Variants in ZFHX3 observed in about 807,000 individuals in gnomAD.
The protein encoded by ZFHX3 is zinc finger homeobox 3.
A neutral mutation model predicts 279.1 loss-of-function variants in ZFHX3; 42 were observed. That is an observed-to-expected ratio of 0.15 (90% confidence interval 0.12 to 0.19). The LOEUF (loss-of-function observed/expected upper bound fraction) is 0.19, where lower values mean the gene tolerates loss of function less well. Ranked by LOEUF, ZFHX3 falls within the 10% of genes least tolerant of loss-of-function variation. The pLI is 1.00. For missense variants in ZFHX3, 4,981 were observed against 4,754.0 expected, an observed-to-expected ratio of 1.05 and a Z score of -1.40; for synonymous variants, 2,293 against 1,957.8, an observed-to-expected ratio of 1.17 and a Z score of -4.52.
At chr16:73,878,430 AC>A (rs992677377) in intron 1 of ZFHX3, among the ~76,000 whole-genome samples, 4 of 152,114 alleles carry the variant, frequency 2.6e-5, no homozygotes, top group African/African-American at 7.2e-5. Context: ...ACAGAGTAAA[AC>A]TTTTTTAAGC....
chr16:73,094,779 G>T (rs1966137002), intron 7 of ZFHX3, among the ~76,000 whole-genome samples: 1 of 152,082 alleles, frequency 6.6e-6, no homozygotes, highest in Non-Finnish European at 1.5e-5. Context: ...GTACGAACTT[G>T]ACTCACTGCA....
At chr16:73,481,693 A>C (rs1485834446) in intron 2 of ZFHX3, among the ~76,000 whole-genome samples, 1 of 151,880 alleles carries the variant, frequency 6.6e-6, no homozygotes, top group Non-Finnish European at 1.5e-5. Flanking sequence ...GGGTCTCACT[A>C]TGTTGCCCGA....
intron 5 of ZFHX3, among the ~76,000 whole-genome samples, chr16:73,234,728 G>A (rs938594917): frequency 2.6e-5 from 4 of 152,190 alleles, no homozygotes; most frequent in African/African-American, 4.8e-5. Flanking sequence ...AACTGTAAAA[G>A]AGAAGTGTTG....
intron 2 of ZFHX3, among the ~76,000 whole-genome samples, chr16:73,557,689 C>G (rs1001246088): frequency 2.6e-5 from 4 of 152,066 alleles, no homozygotes; most frequent in Non-Finnish European, 5.9e-5. Flanking sequence ...GGGTTTTGGC[C>G]GGCTTCTTTA....
chr16:72,784,517 G>A lies in ZFHX3; in HGVS notation c.*2647C>T. 6.6e-6 allele frequency: 1 copy of A among 151,906 alleles called. No individual in the cohort carries two copies. The allele number at this position is 151,906 out of a possible 1,614,324, so 9.4% of individuals were successfully genotyped here. On this transcript the variant is annotated 3_prime_UTR_variant, in exon 10 of 10. Transcript: ENST00000268489. ...TTTTTCTATATGGTACAGACACAGA[G>A]TAACATACAACAGTTAAATGGCAAA...
chr16:72,944,667 A>G (rs1019099217), intron 3 of ZFHX3, among the ~76,000 whole-genome samples: 1 of 152,226 alleles, frequency 6.6e-6, no homozygotes, highest in Non-Finnish European at 1.5e-5. Context: ...ATTTTTTTAC[A>G]GTGAACATGC....
chr16:73,365,868 C>A (rs751642757), intron 3 of ZFHX3, among the ~76,000 whole-genome samples: 4 of 152,152 alleles, frequency 2.6e-5, no homozygotes, highest in Non-Finnish European at 5.9e-5. Flanking sequence ...GGCAACGGAA[C>A]CAGCACATAC....
chr16:73,006,648 C>T (rs971124754), intron 1 of ZFHX3, among the ~76,000 whole-genome samples: 14 of 147,302 alleles, frequency 9.5e-5, no homozygotes, highest in African/African-American at 2.3e-4. Context: ...AAGAAAGAAA[C>T]GAAAGAAAAG....
chr16:73,523,300 C>T (rs1252976702), intron 2 of ZFHX3, among the ~76,000 whole-genome samples: 5 of 152,242 alleles, frequency 3.3e-5, no homozygotes, highest in African/African-American at 1.2e-4. Flanking sequence ...AATGAGATCT[C>T]TTCCCACTCC....
chr16:73,096,471 C>T (rs1243346935), intron 7 of ZFHX3, among the ~76,000 whole-genome samples: 2 of 151,632 alleles, frequency 1.3e-5, no homozygotes, highest in African/African-American at 4.8e-5. Flanking sequence ...GATGCGATCT[C>T]AGCTCATTGT....
intron 2 of ZFHX3, among the ~76,000 whole-genome samples, chr16:73,612,831 G>A (rs889155866): frequency 2.6e-5 from 4 of 152,070 alleles, no homozygotes; most frequent in South Asian, 2.1e-4. Flanking sequence ...CACTGTAAAC[G>A]TGGCAAAATC....
Position 73,284,242 on chromosome 16 carries a change from G to A in ZFHX3, c.-1193-27106C>T, listed in dbSNP as rs183482766. Among the ~76,000 whole-genome samples, 130 of 145,934 alleles carry A rather than the reference G, an allele frequency of 8.9e-4. No homozygotes were observed. The East Asian group carries it at 0.021, about 23-fold the overall frequency. On this transcript the variant is annotated intron_variant, in intron 4 of 17. Transcript: ENST00000641206. ...TAAGGCGGGAGAACTGCTTGAACTC[G>A]GAGGGCAGAGGTTGCAGTGAGATGA...
intron 8 of ZFHX3, among the ~76,000 whole-genome samples, chr16:73,065,012 GAGACC>G (rs1191418283): frequency 6.6e-6 from 1 of 152,270 alleles, no homozygotes; most frequent in Non-Finnish European, 1.5e-5. Context: ...TTGAGGGCAA[GAGACC>G]CTCGGTCGGG....
intron 3 of ZFHX3, among the ~76,000 whole-genome samples, chr16:73,434,360 G>T (rs1309778801): frequency 6.6e-6 from 1 of 152,192 alleles, no homozygotes; most frequent in Non-Finnish European, 1.5e-5. Flanking sequence ...AGCCCCTGAA[G>T]CAGGGACTGA....
intron 3 of ZFHX3, among the ~76,000 whole-genome samples, chr16:72,943,392 G>T (rs1215917372): frequency 6.6e-6 from 1 of 152,100 alleles, no homozygotes; most frequent in Non-Finnish European, 1.5e-5. Context: ...AAATTAGCGG[G>T]TGTGGTAGTG....
chr16:72,841,698 C>T (rs920874708), intron 4 of ZFHX3, among the ~76,000 whole-genome samples: 2 of 152,200 alleles, frequency 1.3e-5, no homozygotes, highest in Non-Finnish European at 2.9e-5. Context: ...CCTCAGGACT[C>T]GCTGTGTATC....
chr16:73,221,230 A>C (rs1478631700), intron 5 of ZFHX3, among the ~76,000 whole-genome samples: 2 of 152,174 alleles, frequency 1.3e-5, no homozygotes, highest in African/African-American at 4.8e-5. Flanking sequence ...CTGCTTACAA[A>C]TGGTATGTGT....
At position 72,797,712 on chromosome 16, in the gene ZFHX3, G is replaced by A. The variant is rs1371349982; in HGVS notation, c.4970C>T (p.Thr1657Ile). ...GGTGGTAAAGGTGTTACTGCCACTG[G>A]TGCTCACAGGACTTGGCGTGGAGGA... is the stretch of plus-strand genomic sequence containing the variant. ...LSSSTPSPVS[T>I]SGSNTFTTSN... Residue 1657 changes from threonine to isoleucine, a missense_variant, in exon 9 of 10, where the codon ACC (threonine) becomes ATC (isoleucine). Physicochemically the swap from Thr to Ile is moderately conservative, Grantham distance 89. Coordinates refer to ENST00000268489, the MANE Select transcript of ZFHX3 (RefSeq NM_006885.4). 5.6e-6 allele frequency: 9 copies of A among 1,614,014 alleles called. No homozygotes were observed. In the Admixed American group the frequency reaches 8.3e-5, roughly 15 times the overall value.
intron 3 of ZFHX3, among the ~76,000 whole-genome samples, chr16:72,931,455 A>ACACACACACT (rs1491325336): frequency 7.7e-6 from 1 of 129,174 alleles, no homozygotes; most frequent in Admixed American, 8.1e-5. Context: ...ACACACACAC[A>ACACACACACT]CTCTTCAGCT....
Sources: allele counts gnomAD v4.1 joint callset (sites outside exome capture counted in the v4.1 genomes callset), GRCh38; gene constraint gnomAD v4.1.1; transcripts MANE v1.5; gene names NCBI Gene and HGNC (gene_info 2026-07-23, HGNC 2026-07-21).